PPFIA4: variants seen among roughly 807,000 people sequenced by gnomAD.
PPFIA4 encodes the protein liprin-alpha-4.
In PPFIA4, 98 loss-of-function variants were observed where a neutral mutation model predicts 145.7. The observed-to-expected ratio is 0.67, with a 90% CI of 0.57 to 0.80. The LOEUF is 0.80. Ranked by LOEUF, PPFIA4 falls within the 30% of genes least tolerant of loss-of-function variation. The probability of loss-of-function intolerance (pLI) is 0.00; values close to 1 mark genes in which losing one functional copy is unlikely to be tolerated. For synonymous variants in PPFIA4, 628 were observed against 649.6 expected (o/e 0.97, Z 0.51); for missense variants, 1,457 against 1,632.7 (o/e 0.89, Z 1.85).
At chr1:203,028,921 G>A (rs993709339) in intron 1 of PPFIA4, among the ~76,000 whole-genome samples, 2 of 152,160 alleles carry the variant, frequency 1.3e-5, no homozygotes, top group Non-Finnish European at 2.9e-5. Context: ...TCACAGGAGC[G>A]TGGGACTTCG....
intron 1 of PPFIA4, among the ~76,000 whole-genome samples, chr1:203,038,247 C>T (rs995083179): frequency 2.6e-5 from 4 of 152,188 alleles, no homozygotes; most frequent in Non-Finnish European, 5.9e-5. Flanking sequence ...CTATTTCCTC[C>T]CCTCCAACCC....
chr1:203,061,764 C>G, intron 24 of PPFIA4, 86 bp downstream of exon 24: 3 of 1,377,970 alleles, frequency 2.2e-6, no homozygotes, highest in Non-Finnish European at 3.0e-6. Flanking sequence ...GCAGGAATCT[C>G]TGAGTCCTTC....
At chr1:203,049,839 C>T in intron 13 of PPFIA4, 72 bp downstream of exon 13, 1 of 1,285,916 alleles carries the variant, frequency 7.8e-7, no homozygotes, top group Non-Finnish European at 1.0e-6. Flanking sequence ...GACTTCCTTC[C>T]AACAAAAGAC....
At chr1:203,050,868 C>T (rs1196374782) in intron 13 of PPFIA4, among the ~76,000 whole-genome samples, 1 of 151,048 alleles carries the variant, frequency 6.6e-6, no homozygotes. Flanking sequence ...AAGCCATTTG[C>T]CACTGCTTGG....
chr1:203,034,368 G>A (rs1327832401), intron 1 of PPFIA4: 1 of 442,236 alleles, frequency 2.3e-6, no homozygotes, highest in African/African-American at 2.0e-5. Flanking sequence ...GATTTCTGGA[G>A]GAGAGGATGG....
At chr1:203,037,781 G>A (rs917251495) in intron 1 of PPFIA4, among the ~76,000 whole-genome samples, 6 of 152,274 alleles carry the variant, frequency 3.9e-5, no homozygotes, top group Middle Eastern at 3.4e-3. Context: ...AGCCATGATA[G>A]GGGCCACACT....
At chr1:203,072,784 G>A (rs1662259620) in intron 28 of PPFIA4, among the ~76,000 whole-genome samples, 2 of 152,318 alleles carry the variant, frequency 1.3e-5, no homozygotes, top group South Asian at 4.1e-4. Flanking sequence ...ATTTGTGGAA[G>A]TGTTTTCTTC....
At chr1:203,056,550 G>C (rs200518979) in intron 18 of PPFIA4, 42 bp downstream of exon 18, 1,076 of 1,600,052 alleles carry the variant, frequency 6.7e-4, no homozygotes, top group Non-Finnish European at 8.8e-4. Context: ...CCATCCACAG[G>C]GTCCTCTCCT....
chr1:203,048,368 G>A lies in PPFIA4; in HGVS notation c.1224+58G>A. ...TCCTTCCCGCAGGACAGGCTCCCAG[G>A]GCGGTCTGTGGAAGGGGCACGGAGG... On this transcript the variant is annotated intron_variant, in intron 10 of 29. Coordinates refer to ENST00000295706, the MANE Select transcript of PPFIA4 (RefSeq NM_001304331.2). The surrounding 1 kb of genome is among the most constrained non-coding windows in gnomAD (Gnocchi z 5.8). 1.3e-6 allele frequency: 2 copies of A among 1,576,436 alleles called. No individual in the cohort carries two copies. Among genetic ancestry groups the A allele is most frequent in the Non-Finnish European group, 1.7e-6 (2 of 1,157,952 alleles).
At chr1:203,053,576 G>A (rs1660689973) in intron 14 of PPFIA4, 177 bp from the exon 15 acceptor site, 3 of 609,498 alleles carry the variant, frequency 4.9e-6, no homozygotes, top group Non-Finnish European at 8.6e-6. Context: ...AAACCACCCA[G>A]GGGTCTTGTT....
chr1:203,066,148 T>C (rs1661714750), intron 25 of PPFIA4, among the ~76,000 whole-genome samples: 1 of 152,212 alleles, frequency 6.6e-6, no homozygotes, highest in East Asian at 1.9e-4. Flanking sequence ...GGAACTGGAC[T>C]GAAAATTATA....
chr1:203,046,376 C>T lies in PPFIA4; in HGVS notation c.1134C>T (p.Leu378=), dbSNP rs1447741352. The T allele has an allele frequency of 6.3e-7, 1 of 1,587,412 alleles. No individual in the cohort carries two copies. The highest frequency in any genetic ancestry group is 8.6e-7 in the Non-Finnish European group (1 of 1,168,070). ...AGCTGGCCCAGAGAATTGCAGCCCT[C>T]ACCAAGGCAAGTGGGCCAGGGGCCT... ...EAELAQRIAA[L]TKAEERHGNI... The change falls in exon 9 of 30, where the codon CTC becomes CTT. Residue 378 remains leucine, a synonymous_variant. Coordinates refer to ENST00000295706, the MANE Select transcript of PPFIA4 (RefSeq NM_001304331.2).
chr1:203,075,546 C>T lies in PPFIA4; in HGVS notation c.3394-31C>T. 3 of 1,370,452 alleles carry T rather than the reference C, an allele frequency of 2.2e-6. No individual in the cohort carries two copies. The highest frequency in any genetic ancestry group is 2.8e-6 in the Non-Finnish European group (3 of 1,055,002). 84.9% of individuals were successfully genotyped at this position (1,370,452 alleles called of 1,614,324 possible). A position where few individuals can be genotyped will look rare whatever the true frequency, so the allele number is the denominator to read the frequency against. On this transcript the variant is annotated intron_variant, in intron 28 of 29. Coordinates refer to ENST00000295706, the MANE Select transcript of PPFIA4 (RefSeq NM_001304331.2). This position sits in a 1 kb window ranked among gnomAD's most constrained non-coding sequence, Gnocchi z 4.1. ...GTGAGGATGGCAATTCCAACAGGGCCCTCGGGCCTCTGGTGTCCCCCATGG... is the reference window on the plus strand; with the variant it reads ...GTGAGGATGGCAATTCCAACAGGGCTCTCGGGCCTCTGGTGTCCCCCATGG...
Position 203,060,990 on chromosome 1 carries a change from C to T in PPFIA4, c.2805C>T (p.Val935=). The change falls in exon 23 of 30, where the codon GTC becomes GTT. Residue 935 remains valine, a synonymous_variant. Coordinates refer to ENST00000295706, the MANE Select transcript of PPFIA4 (RefSeq NM_001304331.2). This position sits in a 1 kb window ranked among gnomAD's most constrained non-coding sequence, Gnocchi z 4.8. ...TGCAGTCTTCTGGGAATGTCTGGGTCACCCATGAAGAGATGGAAACTCTGG... is the reference window on the plus strand; with the variant it reads ...TGCAGTCTTCTGGGAATGTCTGGGTTACCCATGAAGAGATGGAAACTCTGG... The part of the protein sequence containing the change: ...TSRTSSGNVW[V]THEEMETLET... 1 of 1,614,000 alleles carries T rather than the reference C, an allele frequency of 6.2e-7. No homozygotes were observed. Among genetic ancestry groups the T allele is most frequent in the Non-Finnish European group, 8.5e-7 (1 of 1,179,880 alleles).
At chr1:203,057,631 A>G (rs891576016) in intron 19 of PPFIA4, among the ~76,000 whole-genome samples, 5 of 152,310 alleles carry the variant, frequency 3.3e-5, no homozygotes, top group Admixed American at 6.5e-5. Flanking sequence ...TTATTGAGTA[A>G]CTACTGTATG....
At chr1:203,063,805 C>T (rs763670309) in intron 24 of PPFIA4, 23 bp from the exon 25 acceptor site, 32 of 1,613,250 alleles carry the variant, frequency 2.0e-5, no homozygotes, top group Non-Finnish European at 2.5e-5. Context: ...CCCATAATAG[C>T]CTCCTGCATC....
Position 203,076,322 on chromosome 1 carries a change from G to C in PPFIA4, c.3575-19G>C, listed in dbSNP as rs976119455. On this transcript the variant is annotated intron_variant, in intron 29 of 29. Transcript: ENST00000295706. ...CAACCTGCCTCACAGTGCGATGCCT[G>C]TCTCTCTCTCTCCCTCAGCTCACTC... The C allele has an allele frequency of 3.8e-6, 6 of 1,594,660 alleles. No homozygotes were observed. Among genetic ancestry groups the C allele is most frequent in the Non-Finnish European group, 5.1e-6 (6 of 1,172,268 alleles).
chr1:203,062,717 G>A (rs1416572760), intron 24 of PPFIA4, among the ~76,000 whole-genome samples: 1 of 152,126 alleles, frequency 6.6e-6, no homozygotes, highest in Non-Finnish European at 1.5e-5. Context: ...GAAGAATGCA[G>A]ATCCTAAAAG....
At position 203,026,634 on chromosome 1, in the gene PPFIA4, G is replaced by C. The variant is rs1658405848; in HGVS notation, c.-400+5G>C. 1 of 152,428 alleles carries C rather than the reference G, an allele frequency of 6.6e-6. No individual in the cohort carries two copies. The highest frequency in any genetic ancestry group is 6.5e-5 in the Admixed American group (1 of 15,292). 9.4% of individuals were successfully genotyped at this position (152,428 alleles called of 1,614,324 possible). On this transcript the variant is annotated splice_donor_5th_base_variant and intron_variant, in intron 1 of 29. Transcript: ENST00000295706. ...GCCTTCGGCATTTGCAGGCAGGTGA[G>C]CGCCCAGAGCCTGGACTGGGGTAGG...
Sources: allele counts gnomAD v4.1 joint callset (sites outside exome capture counted in the v4.1 genomes callset), GRCh38; gene constraint gnomAD v4.1.1; non-coding constraint Gnocchi (gnomAD v3.1); transcripts MANE v1.5; gene names NCBI Gene and HGNC (gene_info 2026-07-23, HGNC 2026-07-21).